Variants in C20orf96 observed in about 807,000 individuals in gnomAD.
C20orf96 encodes the protein uncharacterized protein C20orf96.
In C20orf96, 57 loss-of-function variants were observed where a neutral mutation model predicts 52.6. The observed-to-expected ratio is 1.08, with a 90% CI of 0.88 to 1.35. The LOEUF (loss-of-function observed/expected upper bound fraction) is 1.35. Among genes scored for constraint, C20orf96 ranks in the 40% most tolerant of loss-of-function variants. C20orf96 has a pLI of 0.00. For missense variants in C20orf96, 478 were observed against 443.6 expected, an observed-to-expected ratio of 1.08 and a Z score of -0.70; for synonymous variants, 168 against 157.2, an observed-to-expected ratio of 1.07 and a Z score of -0.51.
intron 10 of C20orf96, among the ~76,000 whole-genome samples, chr20:274,963 C>T (rs973375358): frequency 6.6e-6 from 1 of 152,142 alleles, no homozygotes; most frequent in African/African-American, 2.4e-5. Flanking sequence ...GGATTACAGG[C>T]ACCCGCCACC....
chr20:279,171 C>T lies in C20orf96; in HGVS notation c.465+1G>A, dbSNP rs1292380404. ...GGGCGGGCGGATGCCGCGGGTCTCA[C>T]CGCCAGGGTGTCCTGCTGCTGCAGC... On this transcript the variant is annotated splice_donor_variant, in intron 5 of 10. Coordinates refer to ENST00000360321, the MANE Select transcript of C20orf96 (RefSeq NM_153269.3). LOFTEE classifies it high-confidence loss of function. 6.3e-7 allele frequency: 1 copy of T among 1,585,702 alleles called. No homozygotes were observed.
chr20:276,309 G>A, intron 9 of C20orf96: 2 of 985,470 alleles, frequency 2.0e-6, no homozygotes, highest in Non-Finnish European at 2.4e-6. Flanking sequence ...AGGGATCATG[G>A]AGAATGGAGA....
At position 288,686 on chromosome 20, in the gene C20orf96, C is replaced by T. The variant is rs73891918; in HGVS notation, c.187+873G>A. Among the ~76,000 whole-genome samples, 804 of 152,292 alleles carry T rather than the reference C, an allele frequency of 5.3e-3. 5 individuals are homozygous for T. Among genetic ancestry groups the T allele is most frequent in the African/African-American group, 0.018 (767 of 41,560 alleles). ...ACTTGGCATTCTACTCTCCCATCTCCTTTCTGTGTTTCAGTGTTGCCCACA... is the reference window on the plus strand; with the variant it reads ...ACTTGGCATTCTACTCTCCCATCTCTTTTCTGTGTTTCAGTGTTGCCCACA... On this transcript the variant is annotated intron_variant, in intron 3 of 10. Transcript: ENST00000360321.
intron 3 of C20orf96, among the ~76,000 whole-genome samples, chr20:288,700 G>C (rs1358395531): frequency 6.6e-6 from 1 of 152,216 alleles, no homozygotes; most frequent in Non-Finnish European, 1.5e-5. Flanking sequence ...CTGTGTTTCA[G>C]TGTTGCCCAC....
chr20:279,135 G>C, intron 5 of C20orf96, 37 bp downstream of exon 5: 2 of 1,260,096 alleles, frequency 1.6e-6, no homozygotes, highest in South Asian at 2.8e-5. Context: ...AGGTTGGGAC[G>C]GAGGGACGGA....
At chr20:277,530 T>G (rs1208794774) in intron 6 of C20orf96, 147 bp from the exon 7 acceptor site, 1 of 778,366 alleles carries the variant, frequency 1.3e-6, no homozygotes, top group Non-Finnish European at 2.1e-6. Context: ...TGGGAGGTGG[T>G]TAAAAGTTAA....
intron 10 of C20orf96, among the ~76,000 whole-genome samples, chr20:275,054 T>C (rs1259186306): frequency 6.6e-6 from 1 of 152,188 alleles, no homozygotes; most frequent in African/African-American, 2.4e-5. Flanking sequence ...CCTGACCTCG[T>C]GATCCACCGG....
At chr20:290,439 G>GGGGCGGGGCCAAGGAGATGT in intron 1 of C20orf96, 132 bp from the exon 2 acceptor site, 1 of 1,538,468 alleles carries the variant, frequency 6.5e-7, no homozygotes, top group East Asian at 2.4e-5. Context: ...CCGCGGGAGT[G>GGGGCGGGGCCAAGGAGATGT]GGGCGGGGCC....
intron 5 of C20orf96, among the ~76,000 whole-genome samples, chr20:278,850 G>A (rs1043694377): frequency 1.5e-5 from 2 of 135,512 alleles, no homozygotes; most frequent in South Asian, 2.6e-4. Flanking sequence ...GGGAGTGAAG[G>A]GTGAAGAAAT....
At chr20:284,520 G>C (rs972593945) in intron 3 of C20orf96, among the ~76,000 whole-genome samples, 1 of 152,240 alleles carries the variant, frequency 6.6e-6, no homozygotes, top group African/African-American at 2.4e-5. Context: ...ATGGGGTAGG[G>C]GTTAAGAGCA....
At chr20:289,430 C>G in intron 3 of C20orf96, 129 bp downstream of exon 3, 2 of 684,382 alleles carry the variant, frequency 2.9e-6, no homozygotes, top group Admixed American at 2.2e-5. Context: ...TATATCAATA[C>G]TTGCAATTTG....
intron 10 of C20orf96, among the ~76,000 whole-genome samples, chr20:275,621 C>A (rs1450055172): frequency 6.6e-6 from 1 of 152,204 alleles, no homozygotes; most frequent in Non-Finnish European, 1.5e-5. Context: ...CCAGGCTATT[C>A]TTCCCTGAAG....
intron 3 of C20orf96, among the ~76,000 whole-genome samples, chr20:285,611 T>A (rs570275913): frequency 9.2e-5 from 14 of 152,326 alleles, no homozygotes; most frequent in Admixed American, 9.2e-4. Context: ...ACACTCTTAT[T>A]AGCTCCGTTG....
At chr20:274,022 AAAGG>A (rs2011936607) in intron 10 of C20orf96, among the ~76,000 whole-genome samples, 1 of 151,528 alleles carries the variant, frequency 6.6e-6, no homozygotes, top group Admixed American at 6.6e-5. Context: ...GAAAAGAGAG[AAAGG>A]AAGGAATGAA....
At chr20:279,129 T>TGGGACGGAGGGACGGAGGGC in intron 5 of C20orf96, 43 bp downstream of exon 5, 2 of 875,842 alleles carry the variant, frequency 2.3e-6, no homozygotes. Flanking sequence ...GGACGGAGGT[T>TGGGACGGAGGGACGGAGGGC]GGGACGGAGG....
intron 3 of C20orf96, among the ~76,000 whole-genome samples, chr20:287,150 T>C (rs777097898): frequency 6.6e-6 from 1 of 152,350 alleles, no homozygotes; most frequent in South Asian, 2.1e-4. Context: ...TGTGTGAATA[T>C]AAGTTTTCAT....
At chr20:284,876 A>G (rs916686823) in intron 3 of C20orf96, among the ~76,000 whole-genome samples, 54 of 152,164 alleles carry the variant, frequency 3.5e-4, no homozygotes, top group African/African-American at 1.3e-3. Context: ...AATCATAAAA[A>G]TAAATTTTTA....
Position 290,672 on chromosome 20 carries a change from G to C in C20orf96, c.-62C>G, listed in dbSNP as rs1279304552. 3 of 1,600,516 alleles carry C rather than the reference G, an allele frequency of 1.9e-6. No individual in the cohort carries two copies. Among genetic ancestry groups the C allele is most frequent in the African/African-American group, 2.7e-5 (2 of 72,818 alleles). On this transcript the variant is annotated 5_prime_UTR_variant, in exon 1 of 11. Coordinates refer to ENST00000360321, the MANE Select transcript of C20orf96 (RefSeq NM_153269.3). Reference sequence around the variant, plus strand: ...CCCTGATCTTCTGGTATAACTACTCGGCTTTTCCAACTTCCTTGTCTCAGT... The same window carrying C: ...CCCTGATCTTCTGGTATAACTACTCCGCTTTTCCAACTTCCTTGTCTCAGT...
At chr20:277,584 T>C (rs75279939) in intron 6 of C20orf96, among the ~76,000 whole-genome samples, 9,281 of 152,082 alleles carry the variant, frequency 0.061, 659 homozygotes, top group African/African-American at 0.17. Flanking sequence ...GAGGCAATGC[T>C]GGGTAGGAAA....
Sources: allele counts gnomAD v4.1 joint callset (sites outside exome capture counted in the v4.1 genomes callset), GRCh38; gene constraint gnomAD v4.1.1; transcripts MANE v1.5; gene names NCBI Gene and HGNC (gene_info 2026-07-23, HGNC 2026-07-21).